The following GLB1 variants were observed in gnomAD, a reference collection of about 807,000 sequenced individuals.
GLB1 encodes galactosidase beta 1.
In GLB1, 56 loss-of-function variants were observed where a neutral mutation model predicts 74.0. That is an observed-to-expected ratio of 0.76 (90% CI 0.61 to 0.94). GLB1 has a LOEUF of 0.94. Among genes scored for constraint, GLB1 ranks in the 40% least tolerant of loss-of-function variants. The pLI is 0.00. For missense variants in GLB1, 787 were observed against 845.5 expected (o/e 0.93, Z 0.86); for synonymous variants, 323 against 323.6 (o/e 1.00, Z 0.02).
rs368796666 is a variant in GLB1, at chr3:33,072,555, G to A, written c.234C>T (p.Asn78=). 158 of 1,613,238 alleles carry A rather than the reference G, an allele frequency of 9.8e-5. No individual in the cohort carries two copies. Among genetic ancestry groups the A allele is most frequent in the African/African-American group, 6.1e-4 (46 of 74,884 alleles). Residue 78 remains asparagine (N), a synonymous_variant, in exon 2 of 16, where the codon AAC becomes AAT. Coordinates refer to ENST00000307363, the MANE Select transcript of GLB1 (RefSeq NM_000404.4). ...RLLKMKMAGL[N]AIQTYVPWNF... ...GCCCTCCTACTTACGTCTGGATGGC[G>A]TTCAGCCCAGCCATCTTCATCTTCA... is the stretch of plus-strand genomic sequence containing the variant.
chr3:33,032,353 T>C (rs1009112664), intron 10 of GLB1, among the ~76,000 whole-genome samples: 2 of 152,170 alleles, frequency 1.3e-5, no homozygotes, highest in South Asian at 4.1e-4. Flanking sequence ...TCTACCTGGA[T>C]GTTCCTGGAA....
intron 1 of GLB1, chr3:33,092,378 T>TC: frequency 1.0e-6 from 1 of 989,006 alleles, no homozygotes; most frequent in Non-Finnish European, 1.2e-6. Context: ...CACTACCCCT[T>TC]CCCCAGAAAG....
chr3:33,049,789 A>G (rs748247212), intron 9 of GLB1, among the ~76,000 whole-genome samples: 3 of 152,050 alleles, frequency 2.0e-5, no homozygotes, highest in Non-Finnish European at 4.4e-5. Flanking sequence ...ACCCACCCAG[A>G]CACGCCCCAG....
intron 1 of GLB1, chr3:33,090,536 T>A: frequency 1.0e-6 from 1 of 985,346 alleles, no homozygotes; most frequent in Non-Finnish European, 1.2e-6. Context: ...ATCTAACAGA[T>A]TAAAAATAAA....
chr3:32,982,498 AAAC>A, the GLB1 span, among the ~76,000 whole-genome samples: 11 of 152,120 alleles, frequency 7.2e-5, no homozygotes, highest in South Asian at 4.2e-4. Context: ...AAACAAAAAC[AAAC>A]AACAACAAAA....
intron 13 of GLB1, 75 bp downstream of exon 13, chr3:33,018,373 G>A (rs1370525191): frequency 6.8e-6 from 9 of 1,331,018 alleles, no homozygotes; most frequent in Non-Finnish European, 9.4e-6. Flanking sequence ...GACCCCAAAT[G>A]CTGTGTTAAC....
At chr3:33,061,608 T>G (rs776521249) in intron 5 of GLB1, 1 of 152,156 alleles carries the variant, frequency 6.6e-6, no homozygotes, top group African/African-American at 2.4e-5. Flanking sequence ...GGTCTTTGTT[T>G]TAGAGTAACT....
At chr3:32,981,772 CA>C in the GLB1 span, among the ~76,000 whole-genome samples, 111 of 138,022 alleles carry the variant, frequency 8.0e-4, no homozygotes, top group Admixed American at 1.0e-3. Flanking sequence ...GACTCCATCT[CA>C]AAAAAAAAAA....
chr3:33,000,016 T>A (rs1696487205), intron 15 of GLB1, among the ~76,000 whole-genome samples: 1 of 151,964 alleles, frequency 6.6e-6, no homozygotes, highest in African/African-American at 2.4e-5. Flanking sequence ...TAGAATGCAG[T>A]GGCACCATCA....
chr3:32,993,628 G>A (rs1243754898), downstream of GLB1, among the ~76,000 whole-genome samples: 2 of 130,422 alleles, frequency 1.5e-5, no homozygotes, highest in African/African-American at 5.7e-5. Flanking sequence ...TCCGCCTCCC[G>A]CTTTCAGGCA....
intron 1 of GLB1, among the ~76,000 whole-genome samples, chr3:33,080,820 C>G (rs1700296227): frequency 6.6e-6 from 1 of 152,144 alleles, no homozygotes; most frequent in Non-Finnish European, 1.5e-5. Flanking sequence ...CTAGAGGGAC[C>G]CAAAGTACGA....
In GLB1 at chr3:33,044,753, C is replaced by CA. The variant is rs913532526; in HGVS notation, c.1068+1366dup. Among the ~76,000 whole-genome samples, 53 of 151,422 alleles carry CA rather than the reference C, an allele frequency of 3.5e-4. 1 individual carries two copies. In the South Asian group the frequency reaches 5.4e-3, roughly 15 times the overall value. On this transcript the variant is annotated intron_variant, in intron 10 of 15. Coordinates refer to ENST00000307363, the MANE Select transcript of GLB1 (RefSeq NM_000404.4). ...AATTAAAACGACATCATACTTAAAA[C>CA]AAAAAAAACCATACCATTTATAGGC... is the stretch of plus-strand genomic sequence containing the variant.
chr3:33,052,138 G>A (rs776558517), intron 7 of GLB1, 134 bp from the exon 8 acceptor site: 160 of 1,465,366 alleles, frequency 1.1e-4, no homozygotes, highest in Middle Eastern at 2.4e-4. Flanking sequence ...ACCCAGAGAC[G>A]CCCCCCAGTG....
chr3:32,984,996 T>C, the GLB1 span, among the ~76,000 whole-genome samples: 1 of 151,176 alleles, frequency 6.6e-6, no homozygotes, highest in African/African-American at 2.4e-5. Flanking sequence ...TCCCAGCTAT[T>C]TGGGAGGCTG....
chr3:33,045,991 C>A, intron 10 of GLB1, 129 bp downstream of exon 10: 1 of 1,244,966 alleles, frequency 8.0e-7, no homozygotes, highest in South Asian at 1.3e-5. Context: ...CCAAGTCTAG[C>A]TGATGCCTCC....
intron 5 of GLB1, among the ~76,000 whole-genome samples, chr3:33,064,935 TAGA>T (rs1284213456): frequency 3.3e-5 from 5 of 152,080 alleles, no homozygotes; most frequent in African/African-American, 4.8e-5. Flanking sequence ...CAAGAACACA[TAGA>T]AGAAGGAGAA....
At chr3:33,005,084 C>G (rs575435226) in intron 15 of GLB1, among the ~76,000 whole-genome samples, 5 of 152,210 alleles carry the variant, frequency 3.3e-5, no homozygotes, top group Admixed American at 2.6e-4. Context: ...GAAGCAATCC[C>G]CCCACCTCTC....
rs1227344114 is a variant in GLB1 at position 33,093,703 on chromosome 3, T to G, written c.75+3308A>C. 2 of 1,614,164 alleles carry G rather than the reference T, an allele frequency of 1.2e-6. No homozygotes were observed. The highest frequency in any genetic ancestry group is 1.7e-6 in the Non-Finnish European group (2 of 1,180,002). On this transcript the variant is annotated intron_variant, in intron 1 of 15. Coordinates refer to ENST00000307363, the MANE Select transcript of GLB1 (RefSeq NM_000404.4). The surrounding 1 kb of genome is among the most constrained non-coding windows in gnomAD (Gnocchi z 6.0). Reference sequence around the variant, plus strand: ...GTCACTCCCACTGCCAGGGCAGGCCTGAGCACGAGCTTCCTTGTCTTCTCA... The same window carrying G: ...GTCACTCCCACTGCCAGGGCAGGCCGGAGCACGAGCTTCCTTGTCTTCTCA...
chr3:33,092,590 A>G, intron 1 of GLB1: 1 of 1,307,524 alleles, frequency 7.6e-7, no homozygotes, highest in East Asian at 2.8e-5. Context: ...GAGTGCTAAT[A>G]TATGTGACCT....
Sources: gnomAD v4.1 joint callset for allele counts (sites outside exome capture counted in the v4.1 genomes callset) on GRCh38, gnomAD v4.1.1 for gene constraint, Gnocchi (gnomAD v3.1) non-coding constraint, MANE v1.5 for transcripts, NCBI Gene and HGNC (gene_info 2026-07-23, HGNC 2026-07-21) for gene names.